SCNN1G: variants seen among roughly 807,000 people sequenced by gnomAD.
SCNN1G encodes the protein epithelial sodium channel subunit gamma.
Under a neutral mutation model 64.6 loss-of-function variants are expected in SCNN1G, and 27 were observed. The ratio of observed to expected loss-of-function variants is 0.42; its 90% CI spans 0.31 to 0.58. SCNN1G has a LOEUF of 0.58. SCNN1G is among the 20% of genes least tolerant of loss of function. The pLI is 0.18. For missense variants in SCNN1G, 743 were observed against 823.4 expected, an observed-to-expected ratio of 0.90 and a Z score of 1.19; for synonymous variants, 330 against 314.2, an observed-to-expected ratio of 1.05 and a Z score of -0.53.
At chr16:23,208,563 C>G (rs1277777819) in intron 6 of SCNN1G, among the ~76,000 whole-genome samples, 2 of 151,926 alleles carry the variant, frequency 1.3e-5, no homozygotes, top group Non-Finnish European at 2.9e-5. Context: ...ACTCACAGTC[C>G]CTGCTCCCGC....
intron 1 of SCNN1G, among the ~76,000 whole-genome samples, chr16:23,184,060 C>T (rs2141925710): frequency 6.6e-6 from 1 of 152,334 alleles, no homozygotes; most frequent in Non-Finnish European, 1.5e-5. Flanking sequence ...AATTCTTCCA[C>T]CAAGGGTATC....
rs896029487 is a variant in SCNN1G, at chr16:23,190,831, A to ATTTTTTTTTTT, written c.618+1180_618+1190dup. ...TTCCCTTTTGGTCCCATTTGAGGGGATTTTTTTTTTTTTTTTTTTTTTTTT... is the reference window on the plus strand; with the variant it reads ...TTCCCTTTTGGTCCCATTTGAGGGGATTTTTTTTTTTTTTTTTTTTTTTTTTTTTTTTTTTT... On this transcript the variant is annotated intron_variant, in intron 3 of 12. Transcript: ENST00000300061. Among the ~76,000 whole-genome samples the ATTTTTTTTTTT allele has an allele frequency of 7.1e-5, 4 of 56,248 alleles. 1 individual carries two copies. The highest frequency in any genetic ancestry group is 1.3e-4 in the Non-Finnish European group (4 of 31,984). The allele number at this position is 56,248 out of a possible 152,430, so 36.9% of individuals were successfully genotyped here. A position where few individuals can be genotyped will look rare whatever the true frequency, so the allele number is the denominator to read the frequency against.
chr16:23,211,970 G>T, intron 7 of SCNN1G, 64 bp from the exon 8 acceptor site: 1 of 1,187,290 alleles, frequency 8.4e-7, no homozygotes, highest in Non-Finnish European at 1.3e-6. Context: ...TGAGGGATGT[G>T]CAGGAAACTC....
intron 6 of SCNN1G, among the ~76,000 whole-genome samples, chr16:23,199,883 G>A (rs549785468): frequency 4.3e-4 from 66 of 152,006 alleles, no homozygotes; most frequent in African/African-American, 1.4e-3. Flanking sequence ...GTGTTAGCCA[G>A]GATGGTCTCG....
In SCNN1G at chr16:23,215,502, C is replaced by A; in HGVS notation, c.*33C>A. Reference sequence around the variant, plus strand: ...TTGAGAAGACAGATCTAGTCAGGACCACCAGCCATGGTCTAAGGACATGGA... The same window carrying A: ...TTGAGAAGACAGATCTAGTCAGGACAACCAGCCATGGTCTAAGGACATGGA... On this transcript the variant is annotated 3_prime_UTR_variant, in exon 13 of 13. Transcript: ENST00000300061. 6.2e-7 allele frequency: 1 copy of A among 1,601,496 alleles called. No individual in the cohort carries two copies. The highest frequency in any genetic ancestry group is 1.1e-5 in the South Asian group (1 of 91,074).
At position 23,199,275 on chromosome 16, in the gene SCNN1G, G is replaced by A. The variant is rs113710193; in HGVS notation, c.1077+1848G>A. 9.3e-3 allele frequency among the ~76,000 whole-genome samples: 1,421 copies of A among 152,268 alleles called. 23 individuals carry two copies. Among genetic ancestry groups the A allele is most frequent in the African/African-American group, 0.033 (1,358 of 41,550 alleles). On this transcript the variant is annotated intron_variant, in intron 6 of 12. Transcript: ENST00000300061. Reference sequence around the variant, plus strand: ...TCACTTAATGCTATAGCTGGGAAATGGTTCCATATCAAAACATATAGATCT... The same window carrying A: ...TCACTTAATGCTATAGCTGGGAAATAGTTCCATATCAAAACATATAGATCT...
At chr16:23,197,172 G>T in intron 5 of SCNN1G, 92 bp from the exon 6 acceptor site, 1 of 1,067,546 alleles carries the variant, frequency 9.4e-7, no homozygotes. Flanking sequence ...CTGGTCTTGG[G>T]TTTGAAGCTC....
chr16:23,183,894 T>C (rs1005481650), intron 1 of SCNN1G, among the ~76,000 whole-genome samples: 2 of 152,226 alleles, frequency 1.3e-5, no homozygotes, highest in Non-Finnish European at 2.9e-5. Flanking sequence ...AGCCACTTTC[T>C]AGTGTGACCT....
intron 6 of SCNN1G, among the ~76,000 whole-genome samples, chr16:23,204,316 TATATATATATATATATATAGAG>T (rs1479441763): frequency 4.8e-5 from 4 of 82,700 alleles, no homozygotes; most frequent in African/African-American, 1.4e-4. Flanking sequence ...TATATATATA[TATATATATATATATATATAGAG>T]AGAGAGAGAG....
intron 2 of SCNN1G, among the ~76,000 whole-genome samples, chr16:23,187,495 C>T (rs761846682): frequency 9.2e-5 from 14 of 152,248 alleles, no homozygotes; most frequent in South Asian, 2.1e-4. Context: ...AGGCCTGGAA[C>T]GAACTAACCC....
intron 2 of SCNN1G, among the ~76,000 whole-genome samples, chr16:23,187,315 C>CT (rs1458026864): frequency 1.3e-5 from 2 of 152,004 alleles, no homozygotes; most frequent in African/African-American, 4.8e-5. Flanking sequence ...CGCTATGTTA[C>CT]TCAGGCTGGT....
chr16:23,214,749 C>T lies in SCNN1G; in HGVS notation c.1531C>T (p.Leu511=). Reference sequence around the variant, plus strand: ...CAAACTCTTGATATTCTACAAAGACCTGAACCAGAGATCCATCATGGAGAG... The same window carrying T: ...CAAACTCTTGATATTCTACAAAGACTTGAACCAGAGATCCATCATGGAGAG... The part of the protein sequence containing the change: ...LAKLLIFYKD[L]NQRSIMESPA... The change falls in exon 12 of 13, where the codon CTG becomes TTG. Residue 511 remains leucine (L), a synonymous_variant. Transcript: ENST00000300061. 6.2e-7 allele frequency: 1 copy of T among 1,614,146 alleles called. No homozygotes were observed. The highest frequency in any genetic ancestry group is 1.3e-5 in the African/African-American group (1 of 75,040).
chr16:23,201,914 T>C (rs1490597925), intron 6 of SCNN1G, among the ~76,000 whole-genome samples: 1 of 152,044 alleles, frequency 6.6e-6, no homozygotes. Flanking sequence ...CCACCTGGGG[T>C]CATGGGATTC....
chr16:23,208,603 TTCCCC>T (rs1187998828), intron 6 of SCNN1G, among the ~76,000 whole-genome samples: 45 of 134,358 alleles, frequency 3.3e-4, no homozygotes, highest in Admixed American at 5.3e-4. Context: ...TTCCCTTCCC[TTCCCC>T]TCCCCTCCCC....
intron 1 of SCNN1G, among the ~76,000 whole-genome samples, chr16:23,183,929 C>A (rs532970508): frequency 8.5e-5 from 13 of 152,240 alleles, no homozygotes; most frequent in Non-Finnish European, 1.5e-4. Flanking sequence ...AACCTGTCAG[C>A]GTCTGTTTCA....
At position 23,215,778 on chromosome 16, in the gene SCNN1G, G is replaced by A. The variant is rs546977274; in HGVS notation, c.*309G>A. The A allele has an allele frequency of 2.3e-5, 11 of 469,756 alleles. No homozygotes were observed. Among genetic ancestry groups the A allele is most frequent in the South Asian group, 1.7e-4 (8 of 47,334 alleles). 29.1% of individuals were successfully genotyped at this position (469,756 alleles called of 1,614,324 possible). ...TGGCCCAAGTGAAGGCCAGAGTGAG[G>A]ACTGATGCAGCTCTTTACGGGTCTT... is the stretch of plus-strand genomic sequence containing the variant. On this transcript the variant is annotated 3_prime_UTR_variant, in exon 13 of 13. Transcript: ENST00000300061.
rs1008101174 is a variant in SCNN1G at position 23,215,799 on chromosome 16, G to A, written c.*330G>A. ...TGAGGACTGATGCAGCTCTTTACGG[G>A]TCTTGAGAGGGAAGGACTCTTCCAA... is the stretch of plus-strand genomic sequence containing the variant. On this transcript the variant is annotated 3_prime_UTR_variant, in exon 13 of 13. Coordinates refer to ENST00000300061, the MANE Select transcript of SCNN1G (RefSeq NM_001039.4). 2 of 405,856 alleles carry A rather than the reference G, an allele frequency of 4.9e-6. No homozygotes were observed. The highest frequency in any genetic ancestry group is 9.2e-6 in the Non-Finnish European group (2 of 217,572). 25.1% of individuals were successfully genotyped at this position (405,856 alleles called of 1,614,324 possible). A position where few individuals can be genotyped will look rare whatever the true frequency, so the allele number is the denominator to read the frequency against.
chr16:23,192,415 GA>G lies in SCNN1G; in HGVS notation c.683del (p.Glu228GlyfsTer8). 6.2e-7 allele frequency: 1 copy of G among 1,614,098 alleles called. No homozygotes were observed. Among genetic ancestry groups the G allele is most frequent in the Non-Finnish European group, 8.5e-7 (1 of 1,179,958 alleles). On this transcript the variant is annotated frameshift_variant, in exon 4 of 13. Coordinates refer to ENST00000300061, the MANE Select transcript of SCNN1G (RefSeq NM_001039.4). LOFTEE classifies it high-confidence loss of function. Reference protein sequence around the residue: ...TFSSGINAIQEWYKLHYMNIM... With the variant: ...TFSSGINAIQXWYKLHYMNIM... The stretch of plus-strand genomic sequence containing the variant: ...CAGCTCGGGAATCAATGCCATTCAG[GA>G]GTGGTATAAGCTACACTACATGAAC...
chr16:23,209,190 C>T (rs1479054538), intron 6 of SCNN1G, among the ~76,000 whole-genome samples: 1 of 152,044 alleles, frequency 6.6e-6, no homozygotes, highest in Non-Finnish European at 1.5e-5. Context: ...TGCAGTGGTA[C>T]GACGATGGCT....
Sources: gnomAD v4.1 joint callset for allele counts (sites outside exome capture counted in the v4.1 genomes callset) on GRCh38, gnomAD v4.1.1 for gene constraint, MANE v1.5 for transcripts, NCBI Gene and HGNC (gene_info 2026-07-23, HGNC 2026-07-21) for gene names.